The following SRRM2 variants were observed in gnomAD, a reference collection of about 807,000 sequenced individuals.
The protein encoded by SRRM2 is serine/arginine repetitive matrix protein 2.
In SRRM2, 30 loss-of-function variants were observed where a neutral mutation model predicts 213.8. The observed-to-expected ratio is 0.14, with a 90% CI of 0.10 to 0.19. The LOEUF is 0.19. Among genes scored for constraint, SRRM2 ranks in the 10% least tolerant of loss-of-function variants. The probability of loss-of-function intolerance (pLI) is 1.00; values close to 1 mark genes in which losing one functional copy is unlikely to be tolerated. For missense variants in SRRM2, 4,904 were observed against 3,647.0 expected (o/e 1.34, Z -8.88); for synonymous variants, 2,025 against 1,377.7 (o/e 1.47, Z -10.40).
Position 2,761,580 on chromosome 16 carries a change from G to T in SRRM2, c.1052G>T (p.Ser351Ile). The T allele has an allele frequency of 6.6e-7, 1 of 1,509,738 alleles. No homozygotes were observed. Among genetic ancestry groups the T allele is most frequent in the Non-Finnish European group, 8.8e-7 (1 of 1,131,232 alleles). The allele number at this position is 1,509,738 out of a possible 1,614,324, so 93.5% of individuals were successfully genotyped here. ...TCTTAGAAATCTGCAACTCGACCTA[G>T]CCCCTCTCCGGAAAGGAGCAGCACA... ...DKKEKSATRP[S>I]PSPERSSTGP... is the part of the protein sequence containing the mutation. Residue 351 changes from serine to isoleucine, a missense_variant, in exon 11 of 15, where the codon AGC becomes ATC. Physicochemically the swap from Ser to Ile is moderately radical, Grantham distance 142. Coordinates refer to ENST00000301740, the MANE Select transcript of SRRM2 (RefSeq NM_016333.4).
chr16:2,771,002 T>A lies in SRRM2; in HGVS notation c.*135T>A. ...GGCAGCCCTTGGATGGAGGGCTCCCTTTCCCTCCCCTTTTTTTTTTCTTTG... is the reference window on the plus strand; with the variant it reads ...GGCAGCCCTTGGATGGAGGGCTCCCATTCCCTCCCCTTTTTTTTTTCTTTG... On this transcript the variant is annotated 3_prime_UTR_variant, in exon 15 of 15. Coordinates refer to ENST00000301740, the MANE Select transcript of SRRM2 (RefSeq NM_016333.4). The A allele has an allele frequency of 2.0e-6, 2 of 1,007,884 alleles. No individual in the cohort carries two copies. The highest frequency in any genetic ancestry group is 1.6e-5 in the South Asian group (1 of 64,416). 62.4% of individuals were successfully genotyped at this position (1,007,884 alleles called of 1,614,324 possible).
chr16:2,761,311 TAAATG>T (rs1259557872), intron 10 of SRRM2, among the ~76,000 whole-genome samples: 1 of 152,262 alleles, frequency 6.6e-6, no homozygotes, highest in Non-Finnish European at 1.5e-5. Flanking sequence ...TGGTATTTGT[TAAATG>T]TAGTAGTGCA....
Position 2,765,642 on chromosome 16 carries a change from G to A in SRRM2, c.5114G>A (p.Arg1705His), listed in dbSNP as rs374830880. 166 of 1,613,942 alleles carry A rather than the reference G, an allele frequency of 1.0e-4. No individual in the cohort carries two copies. Among genetic ancestry groups the A allele is most frequent in the Non-Finnish European group, 1.3e-4 (157 of 1,180,000 alleles). The change falls in exon 11 of 15, where the codon CGT (arginine) becomes CAT (histidine). Residue 1705 changes from arginine (R) to histidine (H), a missense_variant. Physicochemically the swap from Arg to His is conservative, Grantham distance 29. Coordinates refer to ENST00000301740, the MANE Select transcript of SRRM2 (RefSeq NM_016333.4). ...PELTRKARLS[R>H]RSRSASSSPE... ...CTAACAAGGAAGGCCAGACTGTCCC[G>A]TAGAAGCCGCTCTGCCTCATCCTCA...
At chr16:2,760,688 C>A (rs1008620195) in intron 10 of SRRM2, 189 bp downstream of exon 10, 2 of 623,150 alleles carry the variant, frequency 3.2e-6, no homozygotes, top group Non-Finnish European at 5.5e-6. Context: ...GAATTGTGAA[C>A]CCTTTAGAAT....
Position 2,763,691 on chromosome 16 carries a change from C to T in SRRM2, c.3163C>T (p.Leu1055=), listed in dbSNP as rs199513983. 1.4e-5 allele frequency: 23 copies of T among 1,614,202 alleles called. No individual in the cohort carries two copies. Among genetic ancestry groups the T allele is most frequent in the African/African-American group, 2.7e-5 (2 of 75,054 alleles). ...CGAGAGCTATTTTGGTGTCTCATCT[C>T]TGCAACTGAAAGGACAATCTCAAAC... ...PGESYFGVSS[L]QLKGQSQTSP... is the part of the protein sequence containing the mutation. The change falls in exon 11 of 15, where the codon CTG becomes TTG. Residue 1055 remains leucine, a synonymous_variant. Coordinates refer to ENST00000301740, the MANE Select transcript of SRRM2 (RefSeq NM_016333.4).
Position 2,765,927 on chromosome 16 carries a change from G to A in SRRM2, c.5399G>A (p.Arg1800Gln), listed in dbSNP as rs751403947. The A allele has an allele frequency of 1.9e-6, 3 of 1,614,056 alleles. No homozygotes were observed. Among genetic ancestry groups the A allele is most frequent in the African/African-American group, 1.3e-5 (1 of 74,898 alleles). Reference sequence around the variant, plus strand: ...GGATCTTCTCAGTCAACCTCTCGGCGAAGACAGCGGAGCCGGTCAAGGTCG... The same window carrying A: ...GGATCTTCTCAGTCAACCTCTCGGCAAAGACAGCGGAGCCGGTCAAGGTCG... ...RSGSSQSTSR[R>Q]RQRSRSRSRV... Residue 1800 changes from arginine to glutamine, a missense_variant, in exon 11 of 15, where the codon CGA becomes CAA. By Grantham distance (43) the Arg-to-Gln change is conservative. Coordinates refer to ENST00000301740, the MANE Select transcript of SRRM2 (RefSeq NM_016333.4).
At chr16:2,755,652 G>A (rs2068114587) in intron 1 of SRRM2, among the ~76,000 whole-genome samples, 1 of 152,218 alleles carries the variant, frequency 6.6e-6, no homozygotes, top group Non-Finnish European at 1.5e-5. Flanking sequence ...CCTTACCTGG[G>A]AGGTGAAGTA....
rs759697532 is a variant in SRRM2, at chr16:2,769,180, A to T, written c.7917A>T (p.Ser2639=). 6.9e-6 allele frequency: 11 copies of T among 1,605,294 alleles called. No homozygotes were observed. The Admixed American group carries it at 1.8e-4, about 27-fold the overall frequency. The part of the protein sequence containing the change: ...SSSSSSSSSS[S]SSSSSSSSSP... The stretch of plus-strand genomic sequence containing the variant: ...CTTCCTCTTCTTCTTCTTCCTCCTC[A>T]TCTTCCTCCTCCTCGTCGTCTTCCT... Residue 2639 remains serine (S), a synonymous_variant, in exon 12 of 15, where the codon TCA becomes TCT. Transcript: ENST00000301740.
chr16:2,756,628 G>C (rs1263309971), intron 2 of SRRM2, 22 bp downstream of exon 2: 1 of 1,600,634 alleles, frequency 6.2e-7, no homozygotes, highest in Admixed American at 1.7e-5. Flanking sequence ...CTGGGGGAGA[G>C]TCAAGCACTG....
chr16:2,756,489 T>C lies in SRRM2; in HGVS notation c.125T>C (p.Leu42Pro). 3 of 1,613,946 alleles carry C rather than the reference T, an allele frequency of 1.9e-6. No individual in the cohort carries two copies. Among genetic ancestry groups the C allele is most frequent in the Non-Finnish European group, 2.5e-6 (3 of 1,179,946 alleles). ...CCTGACTACAAGGGAGAGGAGGAAC[T>C]GCGGCGCCTGGAGGCTGCCCTGGTG... ...ERPDYKGEEE[L>P]RRLEAALVKR... Residue 42 changes from leucine (L) to proline (P), a missense_variant, in exon 2 of 15, where the codon CTG becomes CCG. By Grantham distance (98) the Leu-to-Pro change is moderately conservative. Coordinates refer to ENST00000301740, the MANE Select transcript of SRRM2 (RefSeq NM_016333.4).
chr16:2,765,768 C>T lies in SRRM2; in HGVS notation c.5240C>T (p.Ser1747Leu). 1.2e-6 allele frequency: 2 copies of T among 1,614,130 alleles called. No homozygotes were observed. The highest frequency in any genetic ancestry group is 1.7e-6 in the Non-Finnish European group (2 of 1,180,044). The change falls in exon 11 of 15, where the codon TCA becomes TTA. Residue 1747 changes from serine (S) to leucine (L), a missense_variant. Physicochemically the swap from Ser to Leu is moderately radical, Grantham distance 145 (BLOSUM62 -2). Coordinates refer to ENST00000301740, the MANE Select transcript of SRRM2 (RefSeq NM_016333.4). Reference sequence around the variant, plus strand: ...TCGAGGTCTTCACGCCGACGGCGCTCAGCTTCATCTCCACGCACTAAGACA... The same window carrying T: ...TCGAGGTCTTCACGCCGACGGCGCTTAGCTTCATCTCCACGCACTAAGACA... The part of the protein sequence containing the change: ...EKSRSSRRRR[S>L]ASSPRTKTTS...
chr16:2,770,927 T>C lies in SRRM2; in HGVS notation c.*60T>C, dbSNP rs1168099529. The stretch of plus-strand genomic sequence containing the variant: ...CTGGAGCCACAAGGAGTGTCCCTTC[T>C]TCCCCAGCAGAGCCGTGGGAGGGTC... On this transcript the variant is annotated 3_prime_UTR_variant, in exon 15 of 15. Transcript: ENST00000301740. 2 of 1,608,852 alleles carry C rather than the reference T, an allele frequency of 1.2e-6. No homozygotes were observed. The highest frequency in any genetic ancestry group is 1.3e-5 in the African/African-American group (1 of 74,828).
At chr16:2,754,929 C>G (rs1311737922) in intron 1 of SRRM2, among the ~76,000 whole-genome samples, 6 of 152,166 alleles carry the variant, frequency 3.9e-5, no homozygotes, top group African/African-American at 9.7e-5. Flanking sequence ...TGGGTAGGGA[C>G]CCATCCTTAG....
rs765172561 is a variant in SRRM2 at position 2,761,717 on chromosome 16, G to T, written c.1189G>T (p.Ala397Ser). 2.1e-5 allele frequency: 33 copies of T among 1,607,092 alleles called. No homozygotes were observed. Among genetic ancestry groups the T allele is most frequent in the Non-Finnish European group, 2.8e-5 (33 of 1,176,606 alleles). The change falls in exon 11 of 15, where the codon GCC becomes TCC. Residue 397 changes from alanine to serine, a missense_variant. Physicochemically the swap from Ala to Ser is moderately conservative, Grantham distance 99. Transcript: ENST00000301740. ...GGAGCCAGTGAACCCCCCATCTGAG[G>T]CCTCTCCAACTCGGGACCGTTCACC... ...SQEPVNPPSE[A>S]SPTRDRSPPK...
At position 2,767,629 on chromosome 16, in the gene SRRM2, C is replaced by T; in HGVS notation, c.7101C>T (p.Thr2367=). ...TAAALAPASL[T]SARMAPALSG... Reference sequence around the variant, plus strand: ...CAGCCTTGGCCCCCGCGAGCCTCACCAGTGCTAGGATGGCTCCAGCATTGT... The same window carrying T: ...CAGCCTTGGCCCCCGCGAGCCTCACTAGTGCTAGGATGGCTCCAGCATTGT... The change falls in exon 11 of 15, where the codon ACC becomes ACT. Residue 2367 remains threonine (T), a synonymous_variant. Coordinates refer to ENST00000301740, the MANE Select transcript of SRRM2 (RefSeq NM_016333.4). The T allele has an allele frequency of 2.5e-6, 4 of 1,614,210 alleles. No homozygotes were observed. Among genetic ancestry groups the T allele is most frequent in the Non-Finnish European group, 2.5e-6 (3 of 1,180,042 alleles).
chr16:2,762,903 C>CA lies in SRRM2; in HGVS notation c.2376dup (p.Pro793ThrfsTer13). On this transcript the variant is annotated frameshift_variant, in exon 11 of 15. Coordinates refer to ENST00000301740, the MANE Select transcript of SRRM2 (RefSeq NM_016333.4). LOFTEE classifies it high-confidence loss of function. ...CCATGCCCTAAACAAAAGTCACAGA[C>CA]ACCACCCAGGCGCAGTCGCTCTGGA... is the stretch of plus-strand genomic sequence containing the variant. 6.2e-7 allele frequency: 1 copy of CA among 1,614,158 alleles called. No homozygotes were observed. The highest frequency in any genetic ancestry group is 8.5e-7 in the Non-Finnish European group (1 of 1,180,000).
chr16:2,756,334 G>T lies in SRRM2; in HGVS notation c.-31G>T. ...CCCGTGTCTCCCCGCTCCCCCTCAG[G>T]AGCGGTGGTGCCCCCCCCGGGCACG... is the stretch of plus-strand genomic sequence containing the variant. On this transcript the variant is annotated splice_region_variant and 5_prime_UTR_variant, in exon 2 of 15. Coordinates refer to ENST00000301740, the MANE Select transcript of SRRM2 (RefSeq NM_016333.4). 2 of 1,570,340 alleles carry T rather than the reference G, an allele frequency of 1.3e-6. No individual in the cohort carries two copies. The highest frequency in any genetic ancestry group is 1.8e-5 in the Admixed American group (1 of 55,046).
intron 12 of SRRM2, 122 bp downstream of exon 12, chr16:2,769,406 G>C: frequency 8.5e-7 from 1 of 1,171,210 alleles, no homozygotes; most frequent in East Asian, 2.4e-5. Context: ...GGTTGTGGGG[G>C]AGGAGGCACT....
chr16:2,753,956 A>T (rs2068043147), intron 1 of SRRM2, among the ~76,000 whole-genome samples: 1 of 151,928 alleles, frequency 6.6e-6, no homozygotes, highest in South Asian at 2.1e-4. Context: ...TGTTGAATTC[A>T]AATATATCTT....
Sources: allele counts gnomAD v4.1 joint callset (sites outside exome capture counted in the v4.1 genomes callset), GRCh38; gene constraint gnomAD v4.1.1; transcripts MANE v1.5; gene names NCBI Gene and HGNC (gene_info 2026-07-23, HGNC 2026-07-21).